Variants in XKR4 observed in about 807,000 individuals in gnomAD.
XKR4 encodes the protein XK-related protein 4.
XKR4 carries 12 observed loss-of-function variants against 53.9 expected under a neutral mutation model. The ratio of observed to expected loss-of-function variants is 0.22; its 90% confidence interval spans 0.14 to 0.36. XKR4 has a LOEUF of 0.36. XKR4 is among the 10% of genes least tolerant of loss of function. The pLI is 1.00. For missense variants in XKR4, 799 were observed against 859.5 expected, an observed-to-expected ratio of 0.93 and a Z score of 0.88; for synonymous variants, 354 against 362.4, an observed-to-expected ratio of 0.98 and a Z score of 0.26.
chr8:55,176,439 A>C (rs1345866298), intron 1 of XKR4, among the ~76,000 whole-genome samples: 2 of 152,146 alleles, frequency 1.3e-5, no homozygotes, highest in Admixed American at 6.5e-5. Flanking sequence ...ATGGCTGGGC[A>C]CTGGGGTGTG....
chr8:55,281,477 A>G (rs2129373909), intron 1 of XKR4, among the ~76,000 whole-genome samples: 1 of 152,314 alleles, frequency 6.6e-6, no homozygotes, highest in African/African-American at 2.4e-5. Context: ...GGGAAATGGG[A>G]AGTCCCTACA....
intron 2 of XKR4, among the ~76,000 whole-genome samples, chr8:55,368,974 C>T (rs1452838584): frequency 6.6e-6 from 1 of 152,152 alleles, no homozygotes; most frequent in Admixed American, 6.5e-5. Flanking sequence ...AAAATATTTA[C>T]TTTTATTCCC....
intron 1 of XKR4, among the ~76,000 whole-genome samples, chr8:55,317,737 C>T (rs187262172): frequency 3.9e-5 from 6 of 152,174 alleles, no homozygotes; most frequent in East Asian, 1.9e-4. Context: ...TCAGGCAGGA[C>T]GTGGTCAACA....
At position 55,155,206 on chromosome 8, in the gene XKR4, C is replaced by T. The variant is rs182167055; in HGVS notation, c.806+51912C>T. Among the ~76,000 whole-genome samples, 273 of 152,256 alleles carry T rather than the reference C, an allele frequency of 1.8e-3. 1 individual carries two copies. Among genetic ancestry groups the T allele is most frequent in the Middle Eastern group, 6.8e-3 (2 of 294 alleles). ...CGCGCTGATCTCCAAGATCCCTGCC[C>T]TCTTCCCACATTGCTGCTCCCAGAC... On this transcript the variant is annotated intron_variant, in intron 1 of 2. Coordinates refer to ENST00000327381, the MANE Select transcript of XKR4 (RefSeq NM_052898.2).
intron 2 of XKR4, among the ~76,000 whole-genome samples, chr8:55,366,662 G>A (rs1803993229): frequency 6.6e-6 from 1 of 152,154 alleles, no homozygotes; most frequent in African/African-American, 2.4e-5. Context: ...AGAAAATAGA[G>A]GCAATAAAAC....
intron 2 of XKR4, among the ~76,000 whole-genome samples, chr8:55,435,745 T>G (rs890117644): frequency 6.6e-6 from 1 of 151,982 alleles, no homozygotes; most frequent in Non-Finnish European, 1.5e-5. Flanking sequence ...TTTAAAAAAT[T>G]TTTATTGTGA....
At chr8:55,162,834 T>A (rs563024584) in intron 1 of XKR4, among the ~76,000 whole-genome samples, 13 of 152,336 alleles carry the variant, frequency 8.5e-5, no homozygotes, top group African/African-American at 3.1e-4. Context: ...AAAACTGTAC[T>A]ATATATGCAC....
chr8:55,170,619 T>C (rs945088617), intron 1 of XKR4, among the ~76,000 whole-genome samples: 6 of 152,026 alleles, frequency 3.9e-5, no homozygotes, highest in Non-Finnish European at 7.4e-5. Context: ...GGTAGCTTGT[T>C]ACAGCACCAA....
rs1369271678 is a variant in XKR4, at chr8:55,531,288, G to C, written c.*7061G>C. ...CTACAAACCTGTACAGCATGCTACT[G>C]TACCGAATACTGTAGGCAACTGTAA... On this transcript the variant is annotated 3_prime_UTR_variant, in exon 3 of 3. Transcript: ENST00000327381. The C allele has an allele frequency of 6.6e-6, 1 of 152,146 alleles. No individual in the cohort carries two copies. The highest frequency in any genetic ancestry group is 2.4e-5 in the African/African-American group (1 of 41,414). The allele number at this position is 152,146 out of a possible 1,614,324, so 9.4% of individuals were successfully genotyped here.
intron 1 of XKR4, among the ~76,000 whole-genome samples, chr8:55,116,696 T>C (rs1816313790): frequency 1.3e-5 from 2 of 152,262 alleles, no homozygotes; most frequent in African/African-American, 4.8e-5. Flanking sequence ...AGTTTTCTGA[T>C]TTCCCTTTCA....
intron 2 of XKR4, among the ~76,000 whole-genome samples, chr8:55,520,226 T>C (rs1806779440): frequency 6.6e-6 from 1 of 152,258 alleles, no homozygotes; most frequent in South Asian, 2.1e-4. Context: ...TATGACCCCA[T>C]ATTTTCTGTT....
At chr8:55,495,621 C>T (rs978830230) in intron 2 of XKR4, among the ~76,000 whole-genome samples, 2 of 152,194 alleles carry the variant, frequency 1.3e-5, no homozygotes, top group African/African-American at 4.8e-5. Context: ...CTCCTTCCCC[C>T]CCAGGCCCTC....
At chr8:55,368,647 C>T (rs1804028344) in intron 2 of XKR4, among the ~76,000 whole-genome samples, 1 of 152,154 alleles carries the variant, frequency 6.6e-6, no homozygotes, top group South Asian at 2.1e-4. Flanking sequence ...TTCTGAAATT[C>T]TATTCATCCC....
At chr8:55,104,911 T>C (rs2129350342) in intron 1 of XKR4, among the ~76,000 whole-genome samples, 1 of 152,346 alleles carries the variant, frequency 6.6e-6, no homozygotes, top group East Asian at 1.9e-4. Context: ...ACTGACTGGC[T>C]AGGATGCATC....
At chr8:55,206,725 G>T (rs1432063125) in intron 1 of XKR4, among the ~76,000 whole-genome samples, 2 of 152,182 alleles carry the variant, frequency 1.3e-5, no homozygotes, top group Non-Finnish European at 2.9e-5. Flanking sequence ...TTACGATTTT[G>T]CAGAAACATT....
chr8:55,131,090 C>T lies in XKR4; in HGVS notation c.806+27796C>T, dbSNP rs963934173. 4.0e-5 allele frequency among the ~76,000 whole-genome samples: 6 copies of T among 151,862 alleles called. No individual in the cohort carries two copies. The East Asian group carries it at 9.7e-4, about 24-fold the overall frequency. ...AGGAGAATCACTTGAACCCGGGAGG[C>T]GGAGGTTGAGGTGAGCTGAGATCAC... is the stretch of plus-strand genomic sequence containing the variant. On this transcript the variant is annotated intron_variant, in intron 1 of 2. Coordinates refer to ENST00000327381, the MANE Select transcript of XKR4 (RefSeq NM_052898.2).
At chr8:55,420,380 C>T (rs1804908461) in intron 2 of XKR4, among the ~76,000 whole-genome samples, 1 of 151,946 alleles carries the variant, frequency 6.6e-6, no homozygotes, top group South Asian at 2.1e-4. Flanking sequence ...AGACTTGGAA[C>T]CAACCCAAAT....
chr8:55,430,777 G>T (rs1805089475), intron 2 of XKR4, among the ~76,000 whole-genome samples: 1 of 152,144 alleles, frequency 6.6e-6, no homozygotes, highest in Admixed American at 6.5e-5. Context: ...TCTCTCCTTG[G>T]CTTGTAGCTG....
intron 1 of XKR4, among the ~76,000 whole-genome samples, chr8:55,205,211 A>G (rs986543772): frequency 1.3e-5 from 2 of 152,256 alleles, no homozygotes; most frequent in African/African-American, 4.8e-5. Flanking sequence ...GCCTTTTCTA[A>G]GAAGCAAAAA....
Sources: gnomAD v4.1 joint callset for allele counts (sites outside exome capture counted in the v4.1 genomes callset) on GRCh38, gnomAD v4.1.1 for gene constraint, MANE v1.5 for transcripts, NCBI Gene and HGNC (gene_info 2026-07-23, HGNC 2026-07-21) for gene names.